The following REDIC1 variants were observed in gnomAD, a reference collection of about 807,000 sequenced individuals.
REDIC1 encodes the protein regulator of DNA class I crossover intermediates 1.
the REDIC1 span, among the ~76,000 whole-genome samples, chr12:39,841,325 C>G: frequency 6.6e-6 from 1 of 152,110 alleles, no homozygotes; most frequent in Non-Finnish European, 1.5e-5. Context: ...AACTGATTGT[C>G]TAATCCTTTT....
At chr12:39,789,223 T>C in the REDIC1 span, among the ~76,000 whole-genome samples, 1 of 152,116 alleles carries the variant, frequency 6.6e-6, no homozygotes, top group Non-Finnish European at 1.5e-5. Context: ...TCCTTGTTTT[T>C]CTGTATAGGA....
chr12:39,892,714 T>G, the REDIC1 span, among the ~76,000 whole-genome samples: 2 of 152,112 alleles, frequency 1.3e-5, no homozygotes, highest in Non-Finnish European at 2.9e-5. Context: ...CAATTTTCTT[T>G]AAAAATAAAC....
At chr12:39,628,744 A>G in the REDIC1 span, among the ~76,000 whole-genome samples, 1 of 152,240 alleles carries the variant, frequency 6.6e-6, no homozygotes, top group African/African-American at 2.4e-5. Context: ...AGAGATTAAA[A>G]TTAGGCAAAT....
At chr12:39,760,760 T>C in the REDIC1 span, among the ~76,000 whole-genome samples, 1 of 152,020 alleles carries the variant, frequency 6.6e-6, no homozygotes, top group Non-Finnish European at 1.5e-5. Context: ...AGATTATGCA[T>C]GTCAATGCAG....
At chr12:39,768,698 C>G in the REDIC1 span, among the ~76,000 whole-genome samples, 2 of 151,752 alleles carry the variant, frequency 1.3e-5, no homozygotes, top group Non-Finnish European at 2.9e-5. Context: ...TTTGTGATGC[C>G]CGACAACAAT....
the REDIC1 span, among the ~76,000 whole-genome samples, chr12:39,902,163 A>C: frequency 7.3e-6 from 1 of 136,550 alleles, no homozygotes; most frequent in African/African-American, 2.7e-5. Context: ...GGACACAGGA[A>C]TGAGAACATC....
At chr12:39,684,833 A>C in the REDIC1 span, 3 of 1,515,994 alleles carry the variant, frequency 2.0e-6, no homozygotes, top group Non-Finnish European at 2.7e-6. Context: ...AGGGAACACA[A>C]CAAACTTTGA....
the REDIC1 span, chr12:39,835,552 G>A: frequency 1.3e-5 from 2 of 152,092 alleles, no homozygotes; most frequent in South Asian, 4.1e-4. Context: ...TTGATACACA[G>A]TTTAAATTTC....
the REDIC1 span, among the ~76,000 whole-genome samples, chr12:39,885,716 C>A: frequency 1.3e-5 from 2 of 152,082 alleles, no homozygotes; most frequent in Non-Finnish European, 2.9e-5. Flanking sequence ...ACATGTCTTC[C>A]CTTTTGTACT....
At chr12:39,765,285 A>G in the REDIC1 span, among the ~76,000 whole-genome samples, 1 of 152,070 alleles carries the variant, frequency 6.6e-6, no homozygotes, top group African/African-American at 2.4e-5. Flanking sequence ...GGATTAGAAG[A>G]GTAACCTGTA....
chr12:39,788,220 ATATGTT>A, the REDIC1 span, among the ~76,000 whole-genome samples: 1 of 152,202 alleles, frequency 6.6e-6, no homozygotes, highest in African/African-American at 2.4e-5. Context: ...AAACCTATGA[ATATGTT>A]TATAAGTTAG....
At chr12:39,718,100 T>C in the REDIC1 span, among the ~76,000 whole-genome samples, 2 of 152,144 alleles carry the variant, frequency 1.3e-5, no homozygotes, top group African/African-American at 4.8e-5. Flanking sequence ...GTCTTGATGA[T>C]GTTCATGGCT....
At chr12:39,645,662 GA>G in the REDIC1 span, among the ~76,000 whole-genome samples, 2 of 152,174 alleles carry the variant, frequency 1.3e-5, no homozygotes, top group South Asian at 4.1e-4. Flanking sequence ...ATCTCACAGT[GA>G]AAAAATTTTG....
the REDIC1 span, among the ~76,000 whole-genome samples, chr12:39,810,442 A>G: frequency 2.0e-5 from 3 of 152,202 alleles, no homozygotes; most frequent in Non-Finnish European, 2.9e-5. Context: ...ATCTGAAAAT[A>G]GAGTATATAT....
the REDIC1 span, among the ~76,000 whole-genome samples, chr12:39,838,850 GT>G: frequency 6.6e-6 from 1 of 151,988 alleles, no homozygotes; most frequent in Non-Finnish European, 1.5e-5. Context: ...CGGTCCATTT[GT>G]TTTTAAGTAT....
the REDIC1 span, among the ~76,000 whole-genome samples, chr12:39,884,511 G>A: frequency 1.3e-5 from 2 of 152,144 alleles, no homozygotes; most frequent in East Asian, 3.8e-4. Flanking sequence ...TAGAAAATAA[G>A]TACATCATGG....
the REDIC1 span, among the ~76,000 whole-genome samples, chr12:39,804,184 T>C: frequency 3.3e-5 from 5 of 152,050 alleles, no homozygotes; most frequent in Non-Finnish European, 7.4e-5. Context: ...ATACAGACAG[T>C]TGAAATATTT....
the REDIC1 span, among the ~76,000 whole-genome samples, chr12:39,777,506 C>T: frequency 6.6e-6 from 1 of 152,180 alleles, no homozygotes; most frequent in Non-Finnish European, 1.5e-5. Flanking sequence ...GGGCTCCACC[C>T]AGGGCCCGGG....
the REDIC1 span, chr12:39,829,751 T>G: frequency 3.9e-6 from 1 of 258,344 alleles, no homozygotes; most frequent in Non-Finnish European, 7.6e-6. Context: ...ACAGTTTTCT[T>G]TCATTTAAAA....
Sources: gnomAD v4.1 joint callset for allele counts (sites outside exome capture counted in the v4.1 genomes callset) on GRCh38, gnomAD v4.1.1 for gene constraint, MANE v1.5 for transcripts, NCBI Gene and HGNC (gene_info 2026-07-23, HGNC 2026-07-21) for gene names.